The following CLVS1 variants were observed in gnomAD, a reference collection of about 807,000 sequenced individuals.
CLVS1 encodes the protein clavesin 1.
CLVS1 carries 10 observed loss-of-function variants against 33.1 expected under a neutral mutation model. The observed-to-expected ratio is 0.30, with a 90% confidence interval of 0.19 to 0.51. The LOEUF (loss-of-function observed/expected upper bound fraction) is 0.51. Among genes scored for constraint, CLVS1 ranks in the 20% least tolerant of loss-of-function variants. CLVS1 has a pLI of 0.97. For missense variants in CLVS1, 343 were observed against 433.4 expected (o/e 0.79, Z 1.85); for synonymous variants, 163 against 166.1 (o/e 0.98, Z 0.14).
chr8:61,193,309 G>A (rs547279000), intron 2 of CLVS1, among the ~76,000 whole-genome samples: 431 of 152,226 alleles, frequency 2.8e-3, no homozygotes, highest in Non-Finnish European at 4.3e-3. Flanking sequence ...TCATAGGTGG[G>A]AATGGAACAA....
chr8:61,445,471 C>T (rs1209983604), intron 3 of CLVS1, among the ~76,000 whole-genome samples: 1 of 152,116 alleles, frequency 6.6e-6, no homozygotes, highest in Non-Finnish European at 1.5e-5. Context: ...CTCTCACTTC[C>T]TGCCATGTGA....
chr8:61,436,389 G>C (rs1288811166), intron 3 of CLVS1, among the ~76,000 whole-genome samples: 1 of 152,008 alleles, frequency 6.6e-6, no homozygotes, highest in Admixed American at 6.6e-5. Flanking sequence ...AGCACATTCC[G>C]GTCAGGCTTT....
chr8:61,211,651 G>A (rs1807973169), intron 2 of CLVS1, among the ~76,000 whole-genome samples: 2 of 152,200 alleles, frequency 1.3e-5, no homozygotes, highest in African/African-American at 4.8e-5. Flanking sequence ...TTGCTTTGAA[G>A]GCAGCTGTGC....
At chr8:61,193,014 T>G (rs13253740) in intron 2 of CLVS1, among the ~76,000 whole-genome samples, 78,548 of 151,972 alleles carry the variant, frequency 0.52, 21,034 homozygotes, top group Middle Eastern at 0.69. Flanking sequence ...GCCATCCTAT[T>G]ACTGGGTATA....
intron 5 of CLVS1, among the ~76,000 whole-genome samples, chr8:61,461,835 T>C (rs1817376701): frequency 6.6e-6 from 1 of 152,190 alleles, no homozygotes; most frequent in Non-Finnish European, 1.5e-5. Context: ...TACTCCCAGC[T>C]GTCTATGAGA....
At chr8:61,046,795 G>T in the CLVS1 span, among the ~76,000 whole-genome samples, 1 of 151,506 alleles carries the variant, frequency 6.6e-6, no homozygotes, top group African/African-American at 2.4e-5. Flanking sequence ...CTGTTTGTCT[G>T]TTATTGGTGT....
At chr8:61,139,484 C>G (rs1011420515) in intron 2 of CLVS1, among the ~76,000 whole-genome samples, 2 of 152,176 alleles carry the variant, frequency 1.3e-5, no homozygotes, top group African/African-American at 2.4e-5. Context: ...GGGCAGGAGC[C>G]GGGGACCTCC....
chr8:61,197,677 AC>A (rs34742323), intron 2 of CLVS1, among the ~76,000 whole-genome samples: 1 of 151,440 alleles, frequency 6.6e-6, no homozygotes, highest in East Asian at 1.9e-4. Context: ...CTGCCCCCAC[AC>A]CCCGCTAATT....
At chr8:61,365,575 G>A (rs573061052) in intron 2 of CLVS1, among the ~76,000 whole-genome samples, 15 of 152,218 alleles carry the variant, frequency 9.9e-5, no homozygotes, top group African/African-American at 3.6e-4. Context: ...ATTGGAAGTA[G>A]GAGTAATGTG....
At chr8:61,247,824 A>C (rs1007915076) in intron 2 of CLVS1, among the ~76,000 whole-genome samples, 4 of 152,138 alleles carry the variant, frequency 2.6e-5, no homozygotes, top group Non-Finnish European at 5.9e-5. Flanking sequence ...TTTTGTTGCC[A>C]TTGTTTCTGG....
At chr8:61,097,149 C>T (rs1805366072) in intron 1 of CLVS1, among the ~76,000 whole-genome samples, 1 of 151,664 alleles carries the variant, frequency 6.6e-6, no homozygotes, top group Non-Finnish European at 1.5e-5. Context: ...TCACTGAGGC[C>T]AGGAGTTTGA....
rs1325152737 is a variant in CLVS1, at chr8:61,299,907, A to G, written c.80A>G (p.Gln27Arg). 1.2e-6 allele frequency: 2 copies of G among 1,613,894 alleles called. No homozygotes were observed. Among genetic ancestry groups the G allele is most frequent in the East Asian group, 2.2e-5 (1 of 44,890 alleles). Reference sequence around the variant, plus strand: ...GATTTGGCCAAGATGACCCATTTACAGGCTGGACTCAGTCCAGAGACTATA... The same window carrying G: ...GATTTGGCCAAGATGACCCATTTACGGGCTGGACTCAGTCCAGAGACTATA... The part of the protein sequence containing the change: ...NGDLAKMTHL[Q>R]AGLSPETIEK... Residue 27 changes from glutamine (Q) to arginine (R), a missense_variant, in exon 2 of 6, where the codon CAG becomes CGG. Gln to Arg is a conservative substitution (Grantham distance 43). Coordinates refer to ENST00000325897, the MANE Select transcript of CLVS1 (RefSeq NM_173519.3).
the CLVS1 span, among the ~76,000 whole-genome samples, chr8:61,027,231 C>T: frequency 6.6e-6 from 1 of 152,112 alleles, no homozygotes; most frequent in Non-Finnish European, 1.5e-5. Context: ...AGGAGGCTCA[C>T]ACTGTCTTCC....
chr8:61,244,653 C>T (rs1257618716), intron 2 of CLVS1, among the ~76,000 whole-genome samples: 2 of 152,108 alleles, frequency 1.3e-5, no homozygotes, highest in African/African-American at 2.4e-5. Context: ...AGTGATAATG[C>T]CATATTGGCT....
chr8:61,300,930 C>G (rs1810407230), intron 2 of CLVS1: 1 of 152,240 alleles, frequency 6.6e-6, no homozygotes, highest in African/African-American at 2.4e-5. Context: ...CCACTTTCTT[C>G]TTATAAACTT....
intron 2 of CLVS1, among the ~76,000 whole-genome samples, chr8:61,201,152 CAAAA>C (rs942589800): frequency 1.3e-5 from 2 of 151,996 alleles, no homozygotes; most frequent in Admixed American, 1.3e-4. Context: ...ATAAATCAAA[CAAAA>C]AAGTTTTGTA....
chr8:61,374,804 A>G (rs969138547), intron 2 of CLVS1, among the ~76,000 whole-genome samples: 28 of 152,282 alleles, frequency 1.8e-4, no homozygotes, highest in Admixed American at 3.3e-4. Flanking sequence ...GATAGTTGAA[A>G]GTGTGTGGTG....
chr8:61,396,916 ACT>A (rs1386618817), intron 3 of CLVS1, among the ~76,000 whole-genome samples: 1 of 152,068 alleles, frequency 6.6e-6, no homozygotes, highest in African/African-American at 2.4e-5. Context: ...TCTATACCAA[ACT>A]TTTTTATTCA....
chr8:61,032,941 TGAG>T, the CLVS1 span, among the ~76,000 whole-genome samples: 1 of 131,336 alleles, frequency 7.6e-6, no homozygotes, highest in East Asian at 2.2e-4. Context: ...GACAACATAG[TGAG>T]ACCCTGTCAA....
Sources: allele counts gnomAD v4.1 joint callset (sites outside exome capture counted in the v4.1 genomes callset), GRCh38; gene constraint gnomAD v4.1.1; transcripts MANE v1.5; gene names NCBI Gene and HGNC (gene_info 2026-07-23, HGNC 2026-07-21).